LINC00237: variants seen among roughly 807,000 people sequenced by gnomAD.
LINC00237 encodes long intergenic non-protein coding RNA 237.
chr20:21,087,882 G>A lies in LINC00237; in HGVS notation n.559+62C>T, dbSNP rs556769831. 5 of 152,256 alleles carry A rather than the reference G, an allele frequency of 3.3e-5. No individual in the cohort carries two copies. In the South Asian group the frequency reaches 6.2e-4, roughly 19 times the overall value. The allele number at this position is 152,256 out of a possible 1,614,324, so 9.4% of individuals were successfully genotyped here. On this transcript the variant is annotated intron_variant and non_coding_transcript_variant, in intron 3 of 3. Coordinates refer to ENST00000691244, the Ensembl canonical transcript of LINC00237. ...GAGGCTTAGAAGCTAGGGAACTAGC[G>A]TGGATTCACACATCAAGTGTTTATG... is the stretch of plus-strand genomic sequence containing the variant.
At chr20:21,102,534 A>T (rs1295358882) in intron 1 of LINC00237, among the ~76,000 whole-genome samples, 3 of 152,146 alleles carry the variant, frequency 2.0e-5, no homozygotes, top group Non-Finnish European at 4.4e-5. Flanking sequence ...ACCCTCTGGG[A>T]TCTGGAGAGA....
At chr20:21,105,255 C>A (rs971967156) in intron 1 of LINC00237, among the ~76,000 whole-genome samples, 1 of 152,134 alleles carries the variant, frequency 6.6e-6, no homozygotes, top group African/African-American at 2.4e-5. Context: ...TTCACCCTCC[C>A]GCTCTGGGTC....
intron 1 of LINC00237, among the ~76,000 whole-genome samples, chr20:21,100,676 G>T (rs1353990693): frequency 6.6e-6 from 1 of 152,120 alleles, no homozygotes; most frequent in East Asian, 1.9e-4. Context: ...CGGGTGGGCC[G>T]AAATAAGATT....
rs897282700 is a variant in LINC00237 at position 21,101,869 on chromosome 20, G to C, written n.88+4402C>G. Reference sequence around the variant, plus strand: ...GGGCCAGAGGCTGGCGGGGGCACGCGGGGGTGGTTGGGGGCGGAGTGCGGC... The same window carrying C: ...GGGCCAGAGGCTGGCGGGGGCACGCCGGGGTGGTTGGGGGCGGAGTGCGGC... On this transcript the variant is annotated intron_variant and non_coding_transcript_variant, in intron 1 of 3. Transcript: ENST00000691244. This position sits in a 1 kb window ranked among gnomAD's most constrained non-coding sequence, Gnocchi z 4.3. Among the ~76,000 whole-genome samples, 1 of 152,174 alleles carries C rather than the reference G, an allele frequency of 6.6e-6. No individual in the cohort carries two copies. Among genetic ancestry groups the C allele is most frequent in the Non-Finnish European group, 1.5e-5 (1 of 68,022 alleles).
At chr20:21,085,662 G>C (rs959756549) in exon 4 of LINC00237, among the ~76,000 whole-genome samples, 32 of 152,118 alleles carry the variant, frequency 2.1e-4, no homozygotes, top group African/African-American at 7.2e-4. Context: ...TTATCTTTGG[G>C]AGGCTATTGA....
intron 1 of LINC00237, among the ~76,000 whole-genome samples, chr20:21,105,791 G>C (rs906560532): frequency 6.6e-5 from 10 of 152,150 alleles, no homozygotes; most frequent in Non-Finnish European, 1.3e-4. Flanking sequence ...GCAGCTTCCG[G>C]CTCTCGCAGG....
intron 1 of LINC00237, among the ~76,000 whole-genome samples, chr20:21,104,912 G>T (rs949602105): frequency 6.6e-6 from 1 of 152,174 alleles, no homozygotes; most frequent in Non-Finnish European, 1.5e-5. Flanking sequence ...AAGCCCATTT[G>T]GTTGTTCATG....
At chr20:21,087,452 A>G (rs542453146) in intron 3 of LINC00237, among the ~76,000 whole-genome samples, 50 of 152,218 alleles carry the variant, frequency 3.3e-4, no homozygotes, top group African/African-American at 1.2e-3. Context: ...ATTTGTGCAA[A>G]TATCTACTTA....
intron 2 of LINC00237, among the ~76,000 whole-genome samples, chr20:21,091,685 A>T (rs2030795283): frequency 6.6e-6 from 1 of 152,200 alleles, no homozygotes; most frequent in East Asian, 1.9e-4. Context: ...TTTCATTTAC[A>T]TTTCCTGTTG....
At chr20:21,106,048 GC>G (rs1423398635) in intron 1 of LINC00237, among the ~76,000 whole-genome samples, 1 of 152,168 alleles carries the variant, frequency 6.6e-6, no homozygotes, top group Admixed American at 6.5e-5. Context: ...GACTCTCTAA[GC>G]CCCCGTGGCA....
At chr20:21,093,834 C>T (rs975876749) in exon 2 of LINC00237, 2 of 152,284 alleles carry the variant, frequency 1.3e-5, no homozygotes, top group Non-Finnish European at 2.9e-5. Context: ...CCAGCACATT[C>T]ATGCTGCCCC....
intron 1 of LINC00237, chr20:21,106,140 A>G (rs1332328631): frequency 6.6e-6 from 1 of 152,374 alleles, no homozygotes; most frequent in East Asian, 1.9e-4. Flanking sequence ...TGCCGGGGAA[A>G]GAGTCGATGA....
intron 1 of LINC00237, among the ~76,000 whole-genome samples, chr20:21,102,884 G>A (rs1307552171): frequency 6.6e-6 from 1 of 152,112 alleles, no homozygotes; most frequent in Non-Finnish European, 1.5e-5. Flanking sequence ...GCCGGTGGCC[G>A]CTCACCCCGC....
chr20:21,091,714 T>C (rs1429020661), intron 2 of LINC00237, among the ~76,000 whole-genome samples: 1 of 152,220 alleles, frequency 6.6e-6, no homozygotes, highest in Non-Finnish European at 1.5e-5. Flanking sequence ...AATGGCTCTT[T>C]AATGAGTTTT....
chr20:21,091,948 C>G (rs749740272), intron 2 of LINC00237, among the ~76,000 whole-genome samples: 3 of 151,908 alleles, frequency 2.0e-5, no homozygotes, highest in Non-Finnish European at 2.9e-5. Flanking sequence ...TTTTTTTTCT[C>G]TTTCCAATTT....
In LINC00237 at chr20:21,099,612, G is replaced by A. The variant is rs567958727; in HGVS notation, n.89-5760C>T. On this transcript the variant is annotated intron_variant and non_coding_transcript_variant, in intron 1 of 3. Transcript: ENST00000691244. ...CCCCAACATATTTCTTCATCTTGGG[G>A]TACCTGACAGACGACCTGCTGACAC... Among the ~76,000 whole-genome samples, 3 of 152,216 alleles carry A rather than the reference G, an allele frequency of 2.0e-5. No homozygotes were observed. The South Asian group carries it at 6.2e-4, about 32-fold the overall frequency.
intron 1 of LINC00237, among the ~76,000 whole-genome samples, chr20:21,094,692 G>A (rs939069239): frequency 9.9e-5 from 15 of 152,194 alleles, no homozygotes; most frequent in African/African-American, 3.4e-4. Context: ...ATTGGAGGCT[G>A]AAGTGAGCTA....
intron 1 of LINC00237, among the ~76,000 whole-genome samples, chr20:21,096,655 C>T (rs536643258): frequency 2.0e-5 from 3 of 152,216 alleles, no homozygotes; most frequent in Admixed American, 1.3e-4. Context: ...TTTCCTTACT[C>T]CCCTCACTTG....
intron 2 of LINC00237, among the ~76,000 whole-genome samples, chr20:21,088,202 T>C (rs980000527): frequency 1.3e-5 from 2 of 152,162 alleles, no homozygotes; most frequent in Non-Finnish European, 2.9e-5. Flanking sequence ...GCAGTCACTA[T>C]AGGACCGTGA....
Sources: gnomAD v4.1 joint callset for allele counts (sites outside exome capture counted in the v4.1 genomes callset) on GRCh38, gnomAD v4.1.1 for gene constraint, Gnocchi (gnomAD v3.1) non-coding constraint, MANE v1.5 for transcripts, NCBI Gene and HGNC (gene_info 2026-07-23, HGNC 2026-07-21) for gene names.